The following PPP2R5A variants were observed in gnomAD, a reference collection of about 807,000 sequenced individuals.
PPP2R5A encodes the protein protein phosphatase 2 regulatory subunit B'alpha.
A neutral mutation model predicts 64.2 loss-of-function variants in PPP2R5A; 25 were observed. The observed-to-expected ratio is 0.39, with a 90% CI of 0.28 to 0.54. The LOEUF (loss-of-function observed/expected upper bound fraction) is 0.54, where lower values mean the gene tolerates loss of function less well. PPP2R5A is among the 20% of genes least tolerant of loss of function. The pLI, the probability that PPP2R5A is intolerant of heterozygous loss-of-function variation, is 0.67. For missense variants in PPP2R5A, 425 were observed against 576.3 expected, an observed-to-expected ratio of 0.74 and a Z score of 2.69; for synonymous variants, 198 against 201.2, an observed-to-expected ratio of 0.98 and a Z score of 0.13.
intron 8 of PPP2R5A, among the ~76,000 whole-genome samples, chr1:212,354,220 A>G (rs1235217662): frequency 6.6e-6 from 1 of 152,118 alleles, no homozygotes; most frequent in Non-Finnish European, 1.5e-5. Flanking sequence ...CAGGCTACAT[A>G]TAAAATGTCA....
At chr1:212,286,390 G>C in intron 1 of PPP2R5A, 99 bp downstream of exon 1, 1 of 1,303,534 alleles carries the variant, frequency 7.7e-7, no homozygotes, top group Non-Finnish European at 1.0e-6. Context: ...CTCCTGCTCA[G>C]TTGGGACTGG....
intron 1 of PPP2R5A, among the ~76,000 whole-genome samples, chr1:212,322,015 G>A (rs1201667998): frequency 6.6e-6 from 1 of 151,802 alleles, no homozygotes; most frequent in East Asian, 1.9e-4. Flanking sequence ...GCGAAACCCC[G>A]TCTCCACCAA....
intron 3 of PPP2R5A, among the ~76,000 whole-genome samples, chr1:212,335,637 T>C (rs971889195): frequency 1.3e-5 from 2 of 152,198 alleles, no homozygotes; most frequent in Non-Finnish European, 2.9e-5. Context: ...TAGTGAAAGC[T>C]GATAATGGTT....
At chr1:212,321,230 C>G (rs1239327403) in intron 1 of PPP2R5A, among the ~76,000 whole-genome samples, 1 of 144,462 alleles carries the variant, frequency 6.9e-6, no homozygotes, top group East Asian at 2.1e-4. Context: ...GGCGGCTGGC[C>G]GGGCAGAGGG....
intron 2 of PPP2R5A, among the ~76,000 whole-genome samples, chr1:212,332,351 A>G (rs964808234): frequency 6.6e-6 from 1 of 152,120 alleles, no homozygotes; most frequent in Non-Finnish European, 1.5e-5. Context: ...AAAATGATCA[A>G]CCCCTTAGTA....
intron 8 of PPP2R5A, among the ~76,000 whole-genome samples, chr1:212,353,390 TAAG>T (rs557641804): frequency 8.8e-4 from 134 of 152,250 alleles, no homozygotes; most frequent in Non-Finnish European, 1.5e-3. Context: ...AGCTCACACT[TAAG>T]GAGAGGGGAT....
rs1479947614 is a variant in PPP2R5A at position 212,286,094 on chromosome 1, G to C, written c.-17G>C. 1 of 1,538,864 alleles carries C rather than the reference G, an allele frequency of 6.5e-7. No homozygotes were observed. The highest frequency in any genetic ancestry group is 8.7e-7 in the Non-Finnish European group (1 of 1,146,622). On this transcript the variant is annotated 5_prime_UTR_variant, in exon 1 of 13. Coordinates refer to ENST00000261461, the MANE Select transcript of PPP2R5A (RefSeq NM_006243.4). ...TGCAAGCAGCAGCCGGAGCTGCCAA[G>C]CGTCAGGGCCGCGGAGATGTCGTCG...
At chr1:212,319,961 T>A (rs1659236997) in intron 1 of PPP2R5A, among the ~76,000 whole-genome samples, 1 of 149,726 alleles carries the variant, frequency 6.7e-6, no homozygotes, top group Non-Finnish European at 1.5e-5. Flanking sequence ...TTTTTTTTTT[T>A]TTTTTTTATT....
At chr1:212,350,833 A>G (rs1659862202) in intron 8 of PPP2R5A, among the ~76,000 whole-genome samples, 1 of 151,658 alleles carries the variant, frequency 6.6e-6, no homozygotes, top group Non-Finnish European at 1.5e-5. Context: ...CAGGTGATTT[A>G]TTTTTAAAGA....
At chr1:212,333,426 ATACT>A (rs1363526778) in intron 2 of PPP2R5A, 67 bp from the exon 3 acceptor site, 5 of 997,146 alleles carry the variant, frequency 5.0e-6, no homozygotes, top group Non-Finnish European at 7.0e-6. Flanking sequence ...GATCTTTAAA[ATACT>A]TCGTTTTGAA....
At chr1:212,286,334 GGC>G in intron 1 of PPP2R5A, 43 bp downstream of exon 1, 1 of 1,423,530 alleles carries the variant, frequency 7.0e-7, no homozygotes, top group South Asian at 1.4e-5. Context: ...CGCAGGGGCT[GGC>G]AACGCTTGCC....
chr1:212,323,354 A>C (rs1659346244), intron 1 of PPP2R5A, among the ~76,000 whole-genome samples: 1 of 152,218 alleles, frequency 6.6e-6, no homozygotes, highest in South Asian at 2.1e-4. Context: ...AACACTTAGA[A>C]TTGTCTTTGG....
At chr1:212,316,613 T>TTTTTTTTTTTTTTTTA (rs1491340211) in intron 1 of PPP2R5A, among the ~76,000 whole-genome samples, 2 of 138,936 alleles carry the variant, frequency 1.4e-5, no homozygotes, top group Non-Finnish European at 3.1e-5. Context: ...TTTTTTTTTT[T>TTTTTTTTTTTTTTTTA]AATCTGAAAG....
At chr1:212,319,987 TTTCTCGCAGAGGGGGA>T (rs1659239396) in intron 1 of PPP2R5A, among the ~76,000 whole-genome samples, 1 of 149,726 alleles carries the variant, frequency 6.7e-6, no homozygotes, top group Non-Finnish European at 1.5e-5. Context: ...TTCTTGGGTG[TTTCTCGCAGAGGGGGA>T]TTTGGCAGGG....
intron 8 of PPP2R5A, among the ~76,000 whole-genome samples, chr1:212,354,027 A>G (rs1180381385): frequency 6.6e-6 from 1 of 152,062 alleles, no homozygotes; most frequent in African/African-American, 2.4e-5. Context: ...TACTAAAAAT[A>G]CAAAAAATTA....
At chr1:212,329,086 TA>T in intron 1 of PPP2R5A, 48 bp from the exon 2 acceptor site, 1 of 1,281,110 alleles carries the variant, frequency 7.8e-7, no homozygotes, top group Non-Finnish European at 1.0e-6. Flanking sequence ...TATATAAAAG[TA>T]ACTTCTGAGT....
chr1:212,285,982 G>A lies in PPP2R5A; in HGVS notation c.-129G>A. On this transcript the variant is annotated 5_prime_UTR_variant, in exon 1 of 13. Transcript: ENST00000261461. Reference sequence around the variant, plus strand: ...GAAGCTCGGCGGCGTCCCGGGGCCGGAGGGCCGTGGGGCCGGGGCGCAGGG... The same window carrying A: ...GAAGCTCGGCGGCGTCCCGGGGCCGAAGGGCCGTGGGGCCGGGGCGCAGGG... 1 of 957,040 alleles carries A rather than the reference G, an allele frequency of 1.0e-6. No homozygotes were observed. The highest frequency in any genetic ancestry group is 1.4e-6 in the Non-Finnish European group (1 of 717,214). The allele number at this position is 957,040 out of a possible 1,614,324, so 59.3% of individuals were successfully genotyped here. A position where few individuals can be genotyped will look rare whatever the true frequency, so the allele number is the denominator to read the frequency against.
At chr1:212,297,025 C>T (rs2102412291) in intron 1 of PPP2R5A, among the ~76,000 whole-genome samples, 1 of 150,500 alleles carries the variant, frequency 6.6e-6, no homozygotes, top group South Asian at 2.1e-4. Flanking sequence ...CCTTACAGTG[C>T]AACAGAGAAA....
At chr1:212,330,725 T>C (rs962439075) in intron 2 of PPP2R5A, among the ~76,000 whole-genome samples, 4 of 152,154 alleles carry the variant, frequency 2.6e-5, no homozygotes, top group Non-Finnish European at 5.9e-5. Flanking sequence ...GTAGGAAATA[T>C]AAGTTTGGCC....
Sources: allele counts gnomAD v4.1 joint callset (sites outside exome capture counted in the v4.1 genomes callset), GRCh38; gene constraint gnomAD v4.1.1; transcripts MANE v1.5; gene names NCBI Gene and HGNC (gene_info 2026-07-23, HGNC 2026-07-21).